The following LRP6 variants were observed in gnomAD, a reference collection of about 807,000 sequenced individuals.
LRP6 encodes low-density lipoprotein receptor-related protein 6.
In LRP6, 43 loss-of-function variants were observed where a neutral mutation model predicts 184.1. The observed-to-expected ratio is 0.23, with a 90% CI of 0.18 to 0.30. LRP6 has a LOEUF of 0.30. LRP6 is among the 10% of genes least tolerant of loss of function. The pLI, the probability that LRP6 is intolerant of heterozygous loss-of-function variation, is 1.00. For synonymous variants in LRP6, 719 were observed against 684.9 expected (o/e 1.05, Z -0.78); for missense variants, 1,571 against 2,005.3 (o/e 0.78, Z 4.14).
chr12:12,227,527 T>A (rs1484398244), intron 2 of LRP6, among the ~76,000 whole-genome samples: 2 of 151,750 alleles, frequency 1.3e-5, no homozygotes, highest in Non-Finnish European at 2.9e-5. Flanking sequence ...CCTGCCTCAG[T>A]CTCCCGAGTA....
At chr12:12,193,294 G>T (rs1017120270) in intron 3 of LRP6, among the ~76,000 whole-genome samples, 4 of 151,270 alleles carry the variant, frequency 2.6e-5, no homozygotes, top group Non-Finnish European at 4.4e-5. Context: ...AATTATTTAT[G>T]ATTTGACCTT....
At chr12:12,145,590 G>T in intron 15 of LRP6, among the ~76,000 whole-genome samples, 1 of 115,180 alleles carries the variant, frequency 8.7e-6, no homozygotes. Context: ...CTGAAGATCT[G>T]AGATCTGAGA....
chr12:12,233,258 G>C (rs1015245596), intron 2 of LRP6, among the ~76,000 whole-genome samples: 2 of 152,076 alleles, frequency 1.3e-5, no homozygotes, highest in African/African-American at 4.8e-5. Context: ...ACAAGGTCAG[G>C]AGATCGAGAC....
At chr12:12,208,438 A>G (rs1286975117) in intron 2 of LRP6, among the ~76,000 whole-genome samples, 2 of 152,204 alleles carry the variant, frequency 1.3e-5, no homozygotes, top group Admixed American at 1.3e-4. Context: ...TAAGAAACAT[A>G]AACTATTTCA....
chr12:12,229,370 CA>C (rs375650917), intron 2 of LRP6, among the ~76,000 whole-genome samples: 23 of 61,410 alleles, frequency 3.7e-4, no homozygotes, highest in Admixed American at 1.1e-3. Context: ...AACTCCATTT[CA>C]AAAAAAAAAA....
intron 21 of LRP6, 46 bp downstream of exon 21, chr12:12,125,250 C>G: frequency 1.9e-6 from 3 of 1,608,894 alleles, no homozygotes; most frequent in Non-Finnish European, 8.5e-7. Context: ...GTTAAAAAAT[C>G]TAAGATCTTA....
At chr12:12,187,353 A>G in intron 3 of LRP6, 2 of 530,658 alleles carry the variant, frequency 3.8e-6, no homozygotes, top group Non-Finnish European at 6.8e-6. Context: ...CTAACTTGGC[A>G]GCAGCCTCAA....
intron 1 of LRP6, among the ~76,000 whole-genome samples, chr12:12,259,033 G>T (rs530222073): frequency 6.6e-6 from 1 of 152,176 alleles, no homozygotes; most frequent in African/African-American, 2.4e-5. Context: ...AGGCCAAAGC[G>T]GGTGGACCAC....
intron 2 of LRP6, among the ~76,000 whole-genome samples, chr12:12,231,428 A>T (rs1426757059): frequency 6.6e-6 from 1 of 152,100 alleles, no homozygotes; most frequent in Non-Finnish European, 1.5e-5. Context: ...GTCTTGCCCT[A>T]GGCTCTGAAA....
intron 5 of LRP6, among the ~76,000 whole-genome samples, chr12:12,182,811 T>C (rs998459393): frequency 2.0e-5 from 3 of 152,198 alleles, no homozygotes; most frequent in African/African-American, 7.2e-5. Context: ...GAGCTGTTAA[T>C]TTGAGCAAGG....
chr12:12,182,693 T>C (rs1296285523), intron 5 of LRP6, among the ~76,000 whole-genome samples: 3 of 152,130 alleles, frequency 2.0e-5, no homozygotes, highest in Non-Finnish European at 4.4e-5. Flanking sequence ...TTGAAGAAAA[T>C]ACAGCCCAAA....
In LRP6 at chr12:12,145,624, C is replaced by CTTT. The variant is rs1157764946; in HGVS notation, c.3397+1739_3397+1741dup. The stretch of plus-strand genomic sequence containing the variant: ...GATCCCACATTTCTTTTTTCTTTTT[C>CTTT]TTTTTTTTTTTTTTTTTTTTTGAGA... On this transcript the variant is annotated intron_variant, in intron 15 of 22. Coordinates refer to ENST00000261349, the MANE Select transcript of LRP6 (RefSeq NM_002336.3). 1.6e-3 allele frequency among the ~76,000 whole-genome samples: 132 copies of CTTT among 80,322 alleles called. 1 individual carries two copies. The highest frequency in any genetic ancestry group is 2.1e-3 in the African/African-American group (58 of 27,026). The allele number at this position is 80,322 out of a possible 152,430, so 52.7% of individuals were successfully genotyped here.
At chr12:12,141,793 T>C (rs1949937611) in intron 15 of LRP6, among the ~76,000 whole-genome samples, 1 of 152,216 alleles carries the variant, frequency 6.6e-6, no homozygotes, top group African/African-American at 2.4e-5. Flanking sequence ...GAAAAAAGTT[T>C]TAGAAAGAAA....
intron 12 of LRP6, among the ~76,000 whole-genome samples, chr12:12,151,479 A>G (rs532087568): frequency 3.3e-4 from 45 of 137,084 alleles, no homozygotes; most frequent in Admixed American, 1.0e-3. Context: ...CCATCTAAGG[A>G]AAAAAAAAAA....
At chr12:12,258,920 T>C (rs532236942) in intron 1 of LRP6, among the ~76,000 whole-genome samples, 1 of 152,224 alleles carries the variant, frequency 6.6e-6, no homozygotes, top group African/African-American at 2.4e-5. Context: ...CATACATAAT[T>C]TGATAAAGGT....
intron 2 of LRP6, among the ~76,000 whole-genome samples, chr12:12,234,768 T>G (rs1864889141): frequency 6.6e-6 from 1 of 151,752 alleles, no homozygotes; most frequent in East Asian, 1.9e-4. Context: ...GATGCAGAGG[T>G]TGCAATGAGC....
At chr12:12,249,671 AGAAGGAAGGAAGGAAGGAAGGAAGGAAG>A (rs3053796) in intron 1 of LRP6, among the ~76,000 whole-genome samples, 3,004 of 141,550 alleles carry the variant, frequency 0.021, 60 homozygotes, top group African/African-American at 0.043. Flanking sequence ...GTGCTATAAC[AGAAGGAAGGAAGGAAGGAAGGAAGGAAG>A]GAAGGAAGGA....
intron 2 of LRP6, among the ~76,000 whole-genome samples, chr12:12,218,622 T>A (rs1333239801): frequency 2.6e-5 from 4 of 151,758 alleles, no homozygotes; most frequent in Non-Finnish European, 5.9e-5. Flanking sequence ...AATCAAAACC[T>A]CAATAAGACA....
intron 2 of LRP6, among the ~76,000 whole-genome samples, chr12:12,208,038 G>C (rs1864112655): frequency 6.6e-6 from 1 of 152,178 alleles, no homozygotes; most frequent in Non-Finnish European, 1.5e-5. Context: ...CCAGGGAGCG[G>C]TCAGAATCCA....
Sources: gnomAD v4.1 joint callset for allele counts (sites outside exome capture counted in the v4.1 genomes callset) on GRCh38, gnomAD v4.1.1 for gene constraint, MANE v1.5 for transcripts, NCBI Gene and HGNC (gene_info 2026-07-23, HGNC 2026-07-21) for gene names.